DSE: variants seen among roughly 807,000 people sequenced by gnomAD.
DSE encodes dermatan sulfate epimerase, also known as dermatan-sulfate epimerase.
DSE carries 36 observed loss-of-function variants against 84.4 expected under a neutral mutation model. The ratio of observed to expected loss-of-function variants is 0.43; its 90% confidence interval spans 0.33 to 0.56. The LOEUF is 0.56. DSE is among the 20% of genes least tolerant of loss of function. The pLI is 0.06. For missense variants in DSE, 862 were observed against 1,169.6 expected (o/e 0.74, Z 3.84); for synonymous variants, 410 against 430.1 (o/e 0.95, Z 0.58).
chr6:116,311,449 G>T (rs941936201), intron 2 of DSE, among the ~76,000 whole-genome samples: 1 of 152,184 alleles, frequency 6.6e-6, no homozygotes, highest in African/African-American at 2.4e-5. Flanking sequence ...GATTCTGTTT[G>T]ATTCCACCAG....
At chr6:116,426,926 C>G (rs1783489085) in intron 3 of DSE, 99 bp downstream of exon 3, 11 of 1,458,034 alleles carry the variant, frequency 7.5e-6, no homozygotes, top group Non-Finnish European at 1.0e-5. Flanking sequence ...AGTACATGTT[C>G]ATACTTGGAT....
At position 116,441,751 on chromosome 6, in the gene DSE, A is replaced by G. The variant is rs1196370115; in HGVS notation, c.*4406A>G. The G allele has an allele frequency of 6.6e-6, 1 of 152,196 alleles. No individual in the cohort carries two copies. Among genetic ancestry groups the G allele is most frequent in the Non-Finnish European group, 1.5e-5 (1 of 68,036 alleles). 9.4% of individuals were successfully genotyped at this position (152,196 alleles called of 1,614,324 possible). A position where few individuals can be genotyped will look rare whatever the true frequency, so the allele number is the denominator to read the frequency against. On this transcript the variant is annotated 3_prime_UTR_variant, in exon 6 of 6. Transcript: ENST00000644252. ...TAGGAAGGAACTGAAGGAAATTTATATATTGAGTGCAGTATGTTTAAATGG... is the reference window on the plus strand; with the variant it reads ...TAGGAAGGAACTGAAGGAAATTTATGTATTGAGTGCAGTATGTTTAAATGG...
intron 2 of DSE, among the ~76,000 whole-genome samples, chr6:116,419,414 A>C (rs1396517943): frequency 6.6e-6 from 1 of 152,150 alleles, no homozygotes; most frequent in African/African-American, 2.4e-5. Context: ...AACTTATTGG[A>C]GTTTGTTTCC....
At chr6:116,393,446 C>G (rs906774595) in intron 1 of DSE, among the ~76,000 whole-genome samples, 1 of 152,160 alleles carries the variant, frequency 6.6e-6, no homozygotes, top group African/African-American at 2.4e-5. Flanking sequence ...GATTTAGTTT[C>G]TTTCAAATAA....
At chr6:116,431,273 G>A in intron 4 of DSE, 80 bp downstream of exon 4, 2 of 1,530,576 alleles carry the variant, frequency 1.3e-6, no homozygotes, top group Non-Finnish European at 1.8e-6. Flanking sequence ...AGACTAGGCA[G>A]AGAAATTAGG....
At chr6:116,287,217 A>G (rs1773966280) in intron 2 of DSE, among the ~76,000 whole-genome samples, 1 of 152,108 alleles carries the variant, frequency 6.6e-6, no homozygotes, top group Non-Finnish European at 1.5e-5. Context: ...AAAACACTTG[A>G]TAGCAGAGAG....
At chr6:116,376,233 A>T (rs1779919539) in intron 1 of DSE, among the ~76,000 whole-genome samples, 1 of 152,128 alleles carries the variant, frequency 6.6e-6, no homozygotes, top group African/African-American at 2.4e-5. Context: ...TGAGGATTCC[A>T]TTGTGGGGCC....
At position 116,397,507 on chromosome 6, in the gene DSE, G is replaced by A. The variant is rs113564812; in HGVS notation, c.-53-1691G>A. ...CAGGCATGAGCCACCGTGCCTGGCC[G>A]GTATATTGTTCTCTAAATGGAGCAA... On this transcript the variant is annotated intron_variant, in intron 1 of 5. Coordinates refer to ENST00000644252, the MANE Select transcript of DSE (RefSeq NM_013352.4). Among the ~76,000 whole-genome samples the A allele has an allele frequency of 5.1e-3, 772 of 152,026 alleles. 12 individuals are homozygous for A. Among genetic ancestry groups the A allele is most frequent in the African/African-American group, 0.017 (722 of 41,482 alleles).
At chr6:116,377,786 G>A (rs750335102) in intron 1 of DSE, among the ~76,000 whole-genome samples, 1 of 151,718 alleles carries the variant, frequency 6.6e-6, no homozygotes, top group African/African-American at 2.4e-5. Flanking sequence ...CAAGGTACCC[G>A]CTGTAATACA....
Position 116,279,685 on chromosome 6 carries a change from G to A in DSE, c.-54+20718G>A, listed in dbSNP as rs758032675. 2.5e-6 allele frequency: 4 copies of A among 1,609,854 alleles called. No homozygotes were observed. The Admixed American group carries it at 6.7e-5, about 27-fold the overall frequency. ...GACGGTCTCCGAGCCTCCCTCACCC[G>A]GCTCCGCCATCACCTGTGTCGCCTC... On this transcript the variant is annotated intron_variant, in intron 2 of 3. Transcript: ENST00000430252.
chr6:116,415,948 A>G (rs1782676674), intron 2 of DSE, among the ~76,000 whole-genome samples: 1 of 152,222 alleles, frequency 6.6e-6, no homozygotes, highest in African/African-American at 2.4e-5. Context: ...GTTTTGTAGA[A>G]GTGTAACACA....
At chr6:116,377,188 C>CT (rs762271183) in intron 1 of DSE, among the ~76,000 whole-genome samples, 13 of 152,276 alleles carry the variant, frequency 8.5e-5, no homozygotes, top group South Asian at 8.3e-4. Context: ...CAGGGCTTTG[C>CT]ATTTTTTATC....
chr6:116,278,729 G>A (rs760742976), intron 2 of DSE: 5 of 1,614,146 alleles, frequency 3.1e-6, no homozygotes, highest in Middle Eastern at 1.6e-4. Context: ...TGGTTTCTGC[G>A]AATGAAGGAC....
At chr6:116,389,074 A>G (rs181405712) in intron 1 of DSE, among the ~76,000 whole-genome samples, 4 of 152,308 alleles carry the variant, frequency 2.6e-5, no homozygotes, top group African/African-American at 9.6e-5. Flanking sequence ...TCCTGGGGTC[A>G]TGGTGCACTT....
intron 2 of DSE, among the ~76,000 whole-genome samples, chr6:116,415,431 G>A (rs1337141010): frequency 6.6e-6 from 1 of 152,110 alleles, no homozygotes; most frequent in African/African-American, 2.4e-5. Context: ...AGATGAGTCT[G>A]TGTACTGTGC....
At chr6:116,338,587 T>C (rs1199062783) in intron 2 of DSE, among the ~76,000 whole-genome samples, 1 of 152,102 alleles carries the variant, frequency 6.6e-6, no homozygotes, top group Non-Finnish European at 1.5e-5. Context: ...GAGTTCATTA[T>C]AATTCACAGA....
chr6:116,413,629 A>C (rs1482087443), intron 2 of DSE, among the ~76,000 whole-genome samples: 1 of 152,248 alleles, frequency 6.6e-6, no homozygotes, highest in Non-Finnish European at 1.5e-5. Flanking sequence ...GCCACAGTTC[A>C]TTCACTGTTT....
At chr6:116,372,235 G>A (rs1210042162) in intron 1 of DSE, among the ~76,000 whole-genome samples, 1 of 152,238 alleles carries the variant, frequency 6.6e-6, no homozygotes, top group African/African-American at 2.4e-5. Context: ...TTGGGAGGCC[G>A]AGGCAGGCGG....
chr6:116,290,503 CA>C (rs1367574059), intron 2 of DSE, among the ~76,000 whole-genome samples: 3 of 152,078 alleles, frequency 2.0e-5, no homozygotes, highest in Non-Finnish European at 4.4e-5. Flanking sequence ...TCTAAATTAA[CA>C]GTATTTCTAG....
Sources: allele counts gnomAD v4.1 joint callset (sites outside exome capture counted in the v4.1 genomes callset), GRCh38; gene constraint gnomAD v4.1.1; transcripts MANE v1.5; gene names NCBI Gene and HGNC (gene_info 2026-07-23, HGNC 2026-07-21).